Variants in ARHGAP20 observed in about 807,000 individuals in gnomAD.
The protein encoded by ARHGAP20 is rho GTPase-activating protein 20.
In ARHGAP20, 34 loss-of-function variants were observed where a neutral mutation model predicts 73.7. The observed-to-expected ratio is 0.46, with a 90% CI of 0.35 to 0.61. ARHGAP20 has a LOEUF of 0.61. Among genes scored for constraint, ARHGAP20 ranks in the 20% least tolerant of loss-of-function variants. The pLI is 0.00. For synonymous variants in ARHGAP20, 523 were observed against 518.2 expected (o/e 1.01, Z -0.13); for missense variants, 1,314 against 1,420.9 (o/e 0.92, Z 1.21).
chr11:110,674,570 T>C (rs1949894757), intron 2 of ARHGAP20, among the ~76,000 whole-genome samples: 1 of 152,190 alleles, frequency 6.6e-6, no homozygotes, highest in East Asian at 1.9e-4. Context: ...CAGGCTACAT[T>C]TATAAGGCAT....
At chr11:110,648,719 G>A (rs1043377389) in intron 2 of ARHGAP20, among the ~76,000 whole-genome samples, 1 of 152,120 alleles carries the variant, frequency 6.6e-6, no homozygotes, top group South Asian at 2.1e-4. Context: ...CTGACCTCGA[G>A]AGATCCACCT....
At chr11:110,695,224 A>T (rs1237554928) in intron 1 of ARHGAP20, among the ~76,000 whole-genome samples, 1 of 151,656 alleles carries the variant, frequency 6.6e-6, no homozygotes, top group Non-Finnish European at 1.5e-5. Flanking sequence ...CCAGCTAAAA[A>T]TTATAAAAAT....
chr11:110,622,778 A>G (rs1948656959), intron 4 of ARHGAP20, among the ~76,000 whole-genome samples: 1 of 152,184 alleles, frequency 6.6e-6, no homozygotes, highest in Admixed American at 6.5e-5. Context: ...TTTGGGAGGA[A>G]GATCACAAGG....
intron 2 of ARHGAP20, among the ~76,000 whole-genome samples, chr11:110,682,851 T>C (rs901042871): frequency 2.0e-5 from 3 of 152,156 alleles, no homozygotes; most frequent in Non-Finnish European, 2.9e-5. Flanking sequence ...GAGGAAAACA[T>C]TGAGACTCAG....
In ARHGAP20 at chr11:110,578,563, G is replaced by C; in HGVS notation, c.*807C>G. On this transcript the variant is annotated 3_prime_UTR_variant, in exon 15 of 15. Coordinates refer to ENST00000683387, the MANE Select transcript of ARHGAP20 (RefSeq NM_001384657.1). ...TCAGGAGGTCACCTTCTAAATAGAA[G>C]AAGTTGCATTTCTGAAGAATGTTCC... 1 of 985,426 alleles carries C rather than the reference G, an allele frequency of 1.0e-6. No homozygotes were observed. The highest frequency in any genetic ancestry group is 1.2e-6 in the Non-Finnish European group (1 of 829,934). 61.0% of individuals were successfully genotyped at this position (985,426 alleles called of 1,614,324 possible).
intron 2 of ARHGAP20, among the ~76,000 whole-genome samples, chr11:110,651,433 G>A (rs998408324): frequency 5.3e-5 from 8 of 151,812 alleles, no homozygotes; most frequent in Non-Finnish European, 7.4e-5. Flanking sequence ...AACAAATCCA[G>A]GAGCTGTTTT....
chr11:110,682,277 C>T (rs144439420), intron 2 of ARHGAP20, among the ~76,000 whole-genome samples: 2 of 152,280 alleles, frequency 1.3e-5, no homozygotes, highest in African/African-American at 4.8e-5. Flanking sequence ...AAATAGCTTA[C>T]ATACATATGT....
intron 2 of ARHGAP20, among the ~76,000 whole-genome samples, chr11:110,640,834 A>G (rs1209057565): frequency 6.6e-6 from 1 of 152,130 alleles, no homozygotes; most frequent in Non-Finnish European, 1.5e-5. Flanking sequence ...GCGCACCAAC[A>G]TGGCACATGT....
chr11:110,700,564 A>AC (rs981138787), intron 1 of ARHGAP20, among the ~76,000 whole-genome samples: 1 of 149,808 alleles, frequency 6.7e-6, no homozygotes, highest in Non-Finnish European at 1.5e-5. Flanking sequence ...AAAGATAATT[A>AC]CTTTTTTTTT....
At chr11:110,662,138 A>AAT (rs764234578) in intron 2 of ARHGAP20, among the ~76,000 whole-genome samples, 10 of 151,442 alleles carry the variant, frequency 6.6e-5, no homozygotes, top group Admixed American at 2.0e-4. Context: ...TTACGTAAGA[A>AAT]ATATATATAT....
At chr11:110,668,603 C>T (rs193063298) in intron 2 of ARHGAP20, among the ~76,000 whole-genome samples, 2 of 151,956 alleles carry the variant, frequency 1.3e-5, no homozygotes, top group Admixed American at 6.6e-5. Context: ...GAACCAAGAT[C>T]GCACCACTGC....
chr11:110,698,232 GTGGATGTTGAACCATCATTGCATCCC>G (rs1950375450), intron 1 of ARHGAP20, among the ~76,000 whole-genome samples: 1 of 151,726 alleles, frequency 6.6e-6, no homozygotes, highest in Non-Finnish European at 1.5e-5. Flanking sequence ...TTATTGATTT[GTGGATGTTGAACCATCATTGCATCCC>G]TGGGATAAAA....
intron 12 of ARHGAP20, among the ~76,000 whole-genome samples, chr11:110,584,946 A>AATATATGAAT (rs1276116638): frequency 1.1e-5 from 1 of 92,626 alleles, no homozygotes; most frequent in African/African-American, 3.3e-5. Flanking sequence ...TGTGTATATG[A>AATATATGAAT]ATATATGAAT....
chr11:110,665,507 AG>A (rs1949706189), intron 2 of ARHGAP20, among the ~76,000 whole-genome samples: 1 of 152,208 alleles, frequency 6.6e-6, no homozygotes, highest in Non-Finnish European at 1.5e-5. Flanking sequence ...AAATGAGGTG[AG>A]GTCTAAGATT....
chr11:110,659,820 C>T (rs967057991), intron 2 of ARHGAP20, among the ~76,000 whole-genome samples: 2 of 151,344 alleles, frequency 1.3e-5, no homozygotes, highest in East Asian at 1.9e-4. Context: ...AACCAAACAC[C>T]GCATATTCTC....
chr11:110,688,042 A>G (rs1420678260), intron 2 of ARHGAP20, among the ~76,000 whole-genome samples: 6 of 152,218 alleles, frequency 3.9e-5, no homozygotes, highest in Non-Finnish European at 1.5e-5. Flanking sequence ...TTGTGCTTAT[A>G]TATAAAATAG....
intron 12 of ARHGAP20, among the ~76,000 whole-genome samples, chr11:110,585,308 T>C (rs1947632922): frequency 1.3e-5 from 2 of 151,410 alleles, no homozygotes; most frequent in South Asian, 4.2e-4. Context: ...CTTTAACAGC[T>C]TATAGGATAT....
chr11:110,614,531 A>T, intron 6 of ARHGAP20, 30 bp downstream of exon 6: 12 of 1,578,010 alleles, frequency 7.6e-6, no homozygotes, highest in African/African-American at 1.3e-5. Flanking sequence ...AGGGACTTGG[A>T]ATTTAATTTT....
In ARHGAP20 at chr11:110,580,705, T is replaced by A. The variant is rs748670853; in HGVS notation, c.2241A>T (p.Gln747His). The change falls in exon 15 of 15, where the codon CAA becomes CAT. Residue 747 changes from glutamine (Q) to histidine (H), a missense_variant. Coordinates refer to ENST00000683387, the MANE Select transcript of ARHGAP20 (RefSeq NM_001384657.1). The part of the protein sequence containing the change: ...QKDEDYLKQN[Q>H]PLQEEGKTCF... ...ATGTCTTTCCTTCCTCCTGGAGGGG[T>A]TGATTCTGCTTCAGATAGTCTTCAT... 1.2e-6 allele frequency: 2 copies of A among 1,613,800 alleles called. No homozygotes were observed. The highest frequency in any genetic ancestry group is 1.7e-6 in the Non-Finnish European group (2 of 1,179,848).
Sources: gnomAD v4.1 joint callset for allele counts (sites outside exome capture counted in the v4.1 genomes callset) on GRCh38, gnomAD v4.1.1 for gene constraint, MANE v1.5 for transcripts, NCBI Gene and HGNC (gene_info 2026-07-23, HGNC 2026-07-21) for gene names.